The following ZNF646 variants were observed in gnomAD, a reference collection of about 807,000 sequenced individuals.
ZNF646 encodes the protein zinc finger protein 646.
ZNF646 carries 49 observed loss-of-function variants against 115.4 expected under a neutral mutation model. The observed-to-expected ratio is 0.42, with a 90% confidence interval of 0.34 to 0.54. The LOEUF (loss-of-function observed/expected upper bound fraction) is 0.54. Among genes scored for constraint, ZNF646 ranks in the 20% least tolerant of loss-of-function variants. ZNF646 has a pLI of 0.04. For missense variants in ZNF646, 2,269 were observed against 2,457.9 expected, an observed-to-expected ratio of 0.92 and a Z score of 1.62; for synonymous variants, 933 against 939.0, an observed-to-expected ratio of 0.99 and a Z score of 0.12.
Position 31,077,078 on chromosome 16 carries a change from G to A in ZNF646, c.754G>A (p.Gly252Arg), listed in dbSNP as rs1028404347. Residue 252 changes from glycine (G) to arginine (R), a missense_variant, in exon 2 of 3, where the codon GGG (glycine) becomes AGG (arginine). Transcript: ENST00000300850. ...SQCGKTYKHA[G>R]SLTNHRQSHT... ...GTGTGGCAAGACCTACAAGCACGCC[G>A]GGAGCCTCACCAACCACCGCCAGAG... 3 of 1,614,104 alleles carry A rather than the reference G, an allele frequency of 1.9e-6. No homozygotes were observed. The highest frequency in any genetic ancestry group is 1.6e-4 in the Middle Eastern group (1 of 6,062).
chr16:31,078,300 T>C lies in ZNF646; in HGVS notation c.1976T>C (p.Met659Thr). The C allele has an allele frequency of 6.2e-7, 1 of 1,613,600 alleles. No individual in the cohort carries two copies. The highest frequency in any genetic ancestry group is 8.5e-7 in the Non-Finnish European group (1 of 1,179,890). ...AAGCACTTCCACACCATGGCTGCCA[T>C]GAAGAACCACTTGCGCCGGCACAGT... ...CAKHFHTMAA[M>T]KNHLRRHSRR... Residue 659 changes from methionine (M) to threonine (T), a missense_variant, in exon 2 of 3, where the codon ATG becomes ACG. Coordinates refer to ENST00000300850, the MANE Select transcript of ZNF646 (RefSeq NM_014699.4).
At position 31,079,378 on chromosome 16, in the gene ZNF646, G is replaced by C; in HGVS notation, c.3054G>C (p.Glu1018Asp). 2 of 1,614,152 alleles carry C rather than the reference G, an allele frequency of 1.2e-6. No individual in the cohort carries two copies. Among genetic ancestry groups the C allele is most frequent in the Non-Finnish European group, 1.7e-6 (2 of 1,180,034 alleles). Residue 1018 changes from glutamate (E) to aspartate (D), a missense_variant, in exon 2 of 3, where the codon GAG becomes GAC. Physicochemically the swap from Glu to Asp is conservative, Grantham distance 45. Around this residue, in one of 5 missense-constraint regions of ZNF646, gnomAD observed 1,062 missense variants for 1,172.8 expected, o/e 0.91. Transcript: ENST00000300850. The surrounding 1 kb of genome is among the most constrained non-coding windows in gnomAD (Gnocchi z 5.5). ...ACATAGTGAATTCTGTCTCTGGAGA[G>C]GGTGGAGATGCCAAGTCTCAAGAGG... ...LEDIVNSVSG[E>D]GGDAKSQEGA...
rs764810514 is a variant in ZNF646, at chr16:31,079,734, A to G, written c.3410A>G (p.Gln1137Arg). The G allele has an allele frequency of 4.3e-6, 7 of 1,613,662 alleles. No homozygotes were observed. Among genetic ancestry groups the G allele is most frequent in the Non-Finnish European group, 5.9e-6 (7 of 1,179,974 alleles). ...CCAGAAGGAGGCAGCAACAAGCCCCAGCACATGGCAGAGGAGGGGCCGGGG... is the reference window on the plus strand; with the variant it reads ...CCAGAAGGAGGCAGCAACAAGCCCCGGCACATGGCAGAGGAGGGGCCGGGG... ...PIPEGGSNKP[Q>R]HMAEEGPGQA... The change falls in exon 2 of 3, where the codon CAG becomes CGG. Residue 1137 changes from glutamine (Q) to arginine (R), a missense_variant. Around this residue, in one of 5 missense-constraint regions of ZNF646, gnomAD observed 1,062 missense variants for 1,172.8 expected, o/e 0.91. Transcript: ENST00000300850. The surrounding 1 kb of genome is among the most constrained non-coding windows in gnomAD (Gnocchi z 5.5).
At position 31,081,135 on chromosome 16, in the gene ZNF646, T is replaced by A. The variant is rs2057152641; in HGVS notation, c.4811T>A (p.Leu1604Gln). ...TCCCACCAGGAACTGGCCAGCCACC[T>A]GCAGGCTCATGCCCGGGGCCACAGC... The part of the protein sequence containing the change: ...FESHQELASH[L>Q]QAHARGHSQV... The change falls in exon 2 of 3, where the codon CTG becomes CAG. Residue 1604 changes from leucine to glutamine, a missense_variant. Coordinates refer to ENST00000300850, the MANE Select transcript of ZNF646 (RefSeq NM_014699.4). The A allele has an allele frequency of 6.2e-7, 1 of 1,606,322 alleles. No homozygotes were observed. Among genetic ancestry groups the A allele is most frequent in the African/African-American group, 1.3e-5 (1 of 74,828 alleles).
chr16:31,077,493 T>C lies in ZNF646; in HGVS notation c.1169T>C (p.Ile390Thr), dbSNP rs368753422. 4 of 1,613,316 alleles carry C rather than the reference T, an allele frequency of 2.5e-6. No homozygotes were observed. The highest frequency in any genetic ancestry group is 2.5e-6 in the Non-Finnish European group (3 of 1,179,940). Residue 390 changes from isoleucine (I) to threonine (T), a missense_variant, in exon 2 of 3, where the codon ATC becomes ACC. Coordinates refer to ENST00000300850, the MANE Select transcript of ZNF646 (RefSeq NM_014699.4). Reference sequence around the variant, plus strand: ...ACTTACCGCCATGCTGGGAGCCTCATCAACCATCGAAAGAGCCACCAGACA... The same window carrying C: ...ACTTACCGCCATGCTGGGAGCCTCACCAACCATCGAAAGAGCCACCAGACA... ...GRTYRHAGSLINHRKSHQTGV... is the reference protein window; with the variant it reads ...GRTYRHAGSLTNHRKSHQTGV...
rs1380582846 is a variant in ZNF646, at chr16:31,077,288, G to A, written c.964G>A (p.Glu322Lys). 6.2e-7 allele frequency: 1 copy of A among 1,614,052 alleles called. No homozygotes were observed. Among genetic ancestry groups the A allele is most frequent in the Non-Finnish European group, 8.5e-7 (1 of 1,180,012 alleles). ...HQQSHEGERQ[E>K]PRWEEKGMPT... ...GCAGTCCCATGAGGGTGAAAGGCAGGAGCCACGCTGGGAGGAGAAAGGGAT... is the reference window on the plus strand; with the variant it reads ...GCAGTCCCATGAGGGTGAAAGGCAGAAGCCACGCTGGGAGGAGAAAGGGAT... Residue 322 changes from glutamate to lysine, a missense_variant, in exon 2 of 3, where the codon GAG (glutamate) becomes AAG (lysine). This residue lies in a region of ZNF646 where 852 missense variants were observed against 900.2 expected (regional missense o/e 0.95). Coordinates refer to ENST00000300850, the MANE Select transcript of ZNF646 (RefSeq NM_014699.4).
chr16:31,080,459 T>TGC lies in ZNF646; in HGVS notation c.4135_4136insGC (p.Leu1379CysfsTer33). 1 of 1,613,368 alleles carries TGC rather than the reference T, an allele frequency of 6.2e-7. No homozygotes were observed. Among genetic ancestry groups the TGC allele is most frequent in the Non-Finnish European group, 8.5e-7 (1 of 1,179,932 alleles). ...CCGCAGCTTCCCTGGCCGGGGATCT[T>TGC]TGGAGCGGCACCTGCGGGAGCATGA... On this transcript the variant is annotated frameshift_variant, in exon 2 of 3. Coordinates refer to ENST00000300850, the MANE Select transcript of ZNF646 (RefSeq NM_014699.4). LOFTEE classifies it high-confidence loss of function.
chr16:31,077,251 G>A lies in ZNF646; in HGVS notation c.927G>A (p.Leu309=), dbSNP rs1203417292. Reference sequence around the variant, plus strand: ...GTGTCTTCCGGCTCCCCCGGGAGCTGCTGGAACACCAGCAGTCCCATGAGG... The same window carrying A: ...GTGTCTTCCGGCTCCCCCGGGAGCTACTGGAACACCAGCAGTCCCATGAGG... The part of the protein sequence containing the change: ...CPRVFRLPRE[L]LEHQQSHEGE... The change falls in exon 2 of 3, where the codon CTG becomes CTA. Residue 309 remains leucine (L), a synonymous_variant. Coordinates refer to ENST00000300850, the MANE Select transcript of ZNF646 (RefSeq NM_014699.4). 4.3e-6 allele frequency: 7 copies of A among 1,614,002 alleles called. No homozygotes were observed. In the Admixed American group the frequency reaches 1.2e-4, roughly 27 times the overall value.
chr16:31,078,861 G>C lies in ZNF646; in HGVS notation c.2537G>C (p.Gly846Ala), dbSNP rs200280714. 1.2e-6 allele frequency: 2 copies of C among 1,613,990 alleles called. No homozygotes were observed. Among genetic ancestry groups the C allele is most frequent in the African/African-American group, 2.7e-5 (2 of 75,076 alleles). ...LLSHRPCHPP[G>A]IYQCSLCPKE... is the part of the protein sequence containing the mutation. The stretch of plus-strand genomic sequence containing the variant: ...AGCCACAGGCCCTGCCACCCACCAG[G>C]CATCTATCAGTGCTCCCTCTGCCCG... Residue 846 changes from glycine to alanine, a missense_variant, in exon 2 of 3, where the codon GGC becomes GCC. This residue lies in a region of ZNF646 where 852 missense variants were observed against 900.2 expected (regional missense o/e 0.95). Transcript: ENST00000300850.
Position 31,080,137 on chromosome 16 carries a change from A to ACAGCTGGC in ZNF646, c.3818_3825dup (p.His1276TrpfsTer43). The ACAGCTGGC allele has an allele frequency of 6.2e-7, 1 of 1,612,708 alleles. No homozygotes were observed. The highest frequency in any genetic ancestry group is 1.1e-5 in the South Asian group (1 of 91,064). Reference sequence around the variant, plus strand: ...GTGGGAAGGCCTTCCGCCTGCGGAAACAGCTGGCCAGCCACCAGCGGGTCC... The same window carrying ACAGCTGGC: ...GTGGGAAGGCCTTCCGCCTGCGGAAACAGCTGGCCAGCTGGCCAGCCACCAGCGGGTCC... On this transcript the variant is annotated frameshift_variant, in exon 2 of 3. Transcript: ENST00000300850. LOFTEE classifies it high-confidence loss of function.
Position 31,083,662 on chromosome 16 carries a change from C to G in ZNF646, c.*570C>G, listed in dbSNP as rs2143858901. 6 of 1,557,528 alleles carry G rather than the reference C, an allele frequency of 3.9e-6. No individual in the cohort carries two copies. On this transcript the variant is annotated 3_prime_UTR_variant, in exon 3 of 3. Coordinates refer to ENST00000300850, the MANE Select transcript of ZNF646 (RefSeq NM_014699.4). ...CCTGTGGCCCCAGGCAGGTTCCTTC[C>G]CACAGCTGCTGGGCTTCTGGGCCTG...
chr16:31,082,625 C>T (rs1258440539), intron 2 of ZNF646: 1 of 305,388 alleles, frequency 3.3e-6, no homozygotes, highest in Non-Finnish European at 6.4e-6. Context: ...GCTGGCCTCT[C>T]CACCTCCCCT....
rs1288959556 is a variant in ZNF646 at position 31,077,295 on chromosome 16, G to A, written c.971G>A (p.Arg324His). ...QSHEGERQEP[R>H]WEEKGMPTTN... Reference sequence around the variant, plus strand: ...CATGAGGGTGAAAGGCAGGAGCCACGCTGGGAGGAGAAAGGGATGCCCACC... The same window carrying A: ...CATGAGGGTGAAAGGCAGGAGCCACACTGGGAGGAGAAAGGGATGCCCACC... Residue 324 changes from arginine (R) to histidine (H), a missense_variant, in exon 2 of 3, where the codon CGC (arginine) becomes CAC (histidine). This residue lies in a region of ZNF646 where 852 missense variants were observed against 900.2 expected (regional missense o/e 0.95). Coordinates refer to ENST00000300850, the MANE Select transcript of ZNF646 (RefSeq NM_014699.4). 2 of 1,613,908 alleles carry A rather than the reference G, an allele frequency of 1.2e-6. No homozygotes were observed. Among genetic ancestry groups the A allele is most frequent in the Non-Finnish European group, 1.7e-6 (2 of 1,179,950 alleles).
chr16:31,083,802 T>C lies in ZNF646; in HGVS notation c.*710T>C. On this transcript the variant is annotated 3_prime_UTR_variant, in exon 3 of 3. Coordinates refer to ENST00000300850, the MANE Select transcript of ZNF646 (RefSeq NM_014699.4). ...GCCAGGTCCCCTGTCAGCAGCTGGT[T>C]GGTTGGCCTGTGGGGAAGGAAGGAG... 2 of 1,614,080 alleles carry C rather than the reference T, an allele frequency of 1.2e-6. No individual in the cohort carries two copies. The highest frequency in any genetic ancestry group is 3.3e-4 in the Middle Eastern group (2 of 6,042).
rs930451956 is a variant in ZNF646, at chr16:31,079,091, G to T, written c.2767G>T (p.Ala923Ser). The T allele has an allele frequency of 1.3e-6, 2 of 1,577,268 alleles. No homozygotes were observed. The highest frequency in any genetic ancestry group is 1.7e-6 in the Non-Finnish European group (2 of 1,158,522). Residue 923 changes from alanine (A) to serine (S), a missense_variant, in exon 2 of 3, where the codon GCA becomes TCA. Around this residue, in one of 5 missense-constraint regions of ZNF646, gnomAD observed 852 missense variants for 900.2 expected, o/e 0.95. Transcript: ENST00000300850. The surrounding 1 kb of genome is among the most constrained non-coding windows in gnomAD (Gnocchi z 5.5). ...SEEEGEEEGV[A>S]EAAPARSPPL... ...GGAGGAGGGGGAAGAGGAAGGAGTG[G>T]CAGAGGCAGCCCCTGCACGCAGTCC... is the stretch of plus-strand genomic sequence containing the variant.
In ZNF646 at chr16:31,075,208, A is replaced by T. The variant is rs138898837; in HGVS notation, c.-80+577A>T. On this transcript the variant is annotated intron_variant, in intron 1 of 2. Transcript: ENST00000300850. The stretch of plus-strand genomic sequence containing the variant: ...GAGAAAAGGTAGGCAATGAAGTGAC[A>T]TTACAACCTGGTATTGATGTTATTC... 4.8e-4 allele frequency among the ~76,000 whole-genome samples: 73 copies of T among 152,332 alleles called. 1 individual carries two copies. Among genetic ancestry groups the T allele is most frequent in the Middle Eastern group, 3.4e-3 (1 of 294 alleles).
At position 31,079,257 on chromosome 16, in the gene ZNF646, A is replaced by G. The variant is rs758180631; in HGVS notation, c.2933A>G (p.Gln978Arg). The change falls in exon 2 of 3, where the codon CAA (glutamine) becomes CGA (arginine). Residue 978 changes from glutamine to arginine, a missense_variant. By Grantham distance (43) the Gln-to-Arg change is conservative (BLOSUM62 1). Around this residue, in one of 5 missense-constraint regions of ZNF646, gnomAD observed 1,062 missense variants for 1,172.8 expected, o/e 0.91. Coordinates refer to ENST00000300850, the MANE Select transcript of ZNF646 (RefSeq NM_014699.4). The surrounding 1 kb of genome is among the most constrained non-coding windows in gnomAD (Gnocchi z 5.5). ...DDLGSLERHH[Q>R]SQSSGTTADK... Reference sequence around the variant, plus strand: ...CTGGGGAGCCTGGAGCGTCACCACCAAAGTCAGAGTTCTGGGACTACTGCA... The same window carrying G: ...CTGGGGAGCCTGGAGCGTCACCACCGAAGTCAGAGTTCTGGGACTACTGCA... 7 of 1,613,838 alleles carry G rather than the reference A, an allele frequency of 4.3e-6. No homozygotes were observed. The highest frequency in any genetic ancestry group is 2.2e-5 in the South Asian group (2 of 91,090).
In ZNF646 at chr16:31,076,433, G is replaced by A. The variant is rs1452985699; in HGVS notation, c.109G>A (p.Asp37Asn). The A allele has an allele frequency of 1.7e-5, 28 of 1,613,836 alleles. No homozygotes were observed. Among genetic ancestry groups the A allele is most frequent in the Non-Finnish European group, 2.3e-5 (27 of 1,179,986 alleles). The change falls in exon 2 of 3, where the codon GAC becomes AAC. Residue 37 changes from aspartate to asparagine, a missense_variant. Transcript: ENST00000300850. ...RELLHPSPNQDSEEADSIPRP... is the reference protein window; with the variant it reads ...RELLHPSPNQNSEEADSIPRP... ...ACTGCTCCATCCATCTCCCAACCAG[G>A]ACAGTGAGGAGGCTGACAGCATCCC...
In ZNF646 at chr16:31,079,104, C is replaced by A; in HGVS notation, c.2780C>A (p.Pro927His). The stretch of plus-strand genomic sequence containing the variant: ...GAGGAAGGAGTGGCAGAGGCAGCCC[C>A]TGCACGCAGTCCACCACTGCAGCTC... ...GEEEGVAEAA[P>H]ARSPPLQLSE... The change falls in exon 2 of 3, where the codon CCT becomes CAT. Residue 927 changes from proline (P) to histidine (H), a missense_variant. This residue lies in a region of ZNF646 where 852 missense variants were observed against 900.2 expected (regional missense o/e 0.95). Coordinates refer to ENST00000300850, the MANE Select transcript of ZNF646 (RefSeq NM_014699.4). The surrounding 1 kb of genome is among the most constrained non-coding windows in gnomAD (Gnocchi z 5.5). The A allele has an allele frequency of 6.3e-7, 1 of 1,584,206 alleles. No homozygotes were observed. The highest frequency in any genetic ancestry group is 8.6e-7 in the Non-Finnish European group (1 of 1,162,144).
Sources: allele counts gnomAD v4.1 joint callset (sites outside exome capture counted in the v4.1 genomes callset), GRCh38; gene constraint gnomAD v4.1.1; regional missense constraint gnomAD v4.1.1; non-coding constraint Gnocchi (gnomAD v3.1); transcripts MANE v1.5; gene names NCBI Gene and HGNC (gene_info 2026-07-23, HGNC 2026-07-21).